Variants in GLRB observed in about 807,000 individuals in gnomAD.
GLRB encodes the protein glycine receptor beta, also known as glycine receptor subunit beta.
A neutral mutation model predicts 54.2 loss-of-function variants in GLRB; 33 were observed. That is an observed-to-expected ratio of 0.61 (90% confidence interval 0.46 to 0.81). The LOEUF (loss-of-function observed/expected upper bound fraction) is 0.81, where lower values mean the gene tolerates loss of function less well. GLRB is among the 40% of genes least tolerant of loss of function. The probability of loss-of-function intolerance (pLI) is 0.00; values close to 1 mark genes in which losing one functional copy is unlikely to be tolerated. For synonymous variants in GLRB, 209 were observed against 208.2 expected (o/e 1.00, Z -0.03); for missense variants, 572 against 584.6 (o/e 0.98, Z 0.22).
At chr4:157,122,845 A>G (rs776873330) in intron 4 of GLRB, among the ~76,000 whole-genome samples, 1 of 151,766 alleles carries the variant, frequency 6.6e-6, no homozygotes, top group African/African-American at 2.4e-5. Flanking sequence ...GGGAATTGTA[A>G]GAAGCAAATA....
rs116976428 is a variant in GLRB, at chr4:157,117,492, G to A, written c.123-3064G>A. Among the ~76,000 whole-genome samples the A allele has an allele frequency of 7.2e-5, 11 of 151,768 alleles. No homozygotes were observed. In the East Asian group the frequency reaches 2.1e-3, roughly 30 times the overall value. The stretch of plus-strand genomic sequence containing the variant: ...ATGAAAGAATGTGATGGACATAATG[G>A]TTGATTCTCCAATATTCATTCCGCA... On this transcript the variant is annotated intron_variant, in intron 2 of 9. Coordinates refer to ENST00000264428, the MANE Select transcript of GLRB (RefSeq NM_000824.5).
intron 4 of GLRB, among the ~76,000 whole-genome samples, chr4:157,122,876 A>T (rs1001417269): frequency 6.6e-6 from 1 of 151,732 alleles, no homozygotes; most frequent in African/African-American, 2.4e-5. Context: ...TTTTCATAAG[A>T]TAGGGCAATG....
chr4:157,108,814 C>A (rs1385378106), intron 2 of GLRB, among the ~76,000 whole-genome samples: 1 of 152,050 alleles, frequency 6.6e-6, no homozygotes, highest in Non-Finnish European at 1.5e-5. Flanking sequence ...GTTAAAGACA[C>A]ATCTGCCATA....
rs940606767 is a variant in GLRB at position 157,157,656 on chromosome 4, C to T, written c.1197+4646C>T. Among the ~76,000 whole-genome samples the T allele has an allele frequency of 2.6e-5, 4 of 152,192 alleles. No homozygotes were observed. In the South Asian group the frequency reaches 8.3e-4, roughly 31 times the overall value. ...GTTTCCAGCTTCATCCGTGTCCCTA[C>T]ATAGGACATGAACTCATCCTTTTTA... On this transcript the variant is annotated intron_variant, in intron 9 of 9. Coordinates refer to ENST00000264428, the MANE Select transcript of GLRB (RefSeq NM_000824.5).
At chr4:157,153,907 C>A (rs867852933) in intron 9 of GLRB, among the ~76,000 whole-genome samples, 1 of 152,168 alleles carries the variant, frequency 6.6e-6, no homozygotes. Context: ...ACCACTAGTC[C>A]CCTCACCTAG....
intron 2 of GLRB, among the ~76,000 whole-genome samples, chr4:157,119,519 G>C (rs931153266): frequency 2.6e-5 from 4 of 151,600 alleles, no homozygotes; most frequent in South Asian, 2.1e-4. Flanking sequence ...CAAGTAACCT[G>C]TCTGCTTAAT....
chr4:157,096,236 T>C (rs561786106), intron 2 of GLRB, among the ~76,000 whole-genome samples: 2 of 152,310 alleles, frequency 1.3e-5, no homozygotes, highest in South Asian at 4.1e-4. Flanking sequence ...AAGGAGAGGA[T>C]ATCATTTTTA....
At chr4:157,109,867 A>G (rs571114190) in intron 2 of GLRB, among the ~76,000 whole-genome samples, 17 of 152,202 alleles carry the variant, frequency 1.1e-4, no homozygotes, top group Admixed American at 1.1e-3. Context: ...TATGCACAGA[A>G]CGAGGCATGT....
Position 157,151,973 on chromosome 4 carries a change from C to G in GLRB, c.905-745C>G, listed in dbSNP as rs56929485. On this transcript the variant is annotated intron_variant, in intron 8 of 9. Transcript: ENST00000264428. ...ATAGCTATAAAATATATTTCATCAT[C>G]TTCTCTCTTGAAAATACGAAGGAAA... Among the ~76,000 whole-genome samples the G allele has an allele frequency of 4.8e-3, 727 of 152,230 alleles. 7 individuals are homozygous for G. Among genetic ancestry groups the G allele is most frequent in the African/African-American group, 0.016 (684 of 41,544 alleles).
intron 8 of GLRB, among the ~76,000 whole-genome samples, chr4:157,148,479 C>T (rs12647323): frequency 0.42 from 64,271 of 151,954 alleles, 16,076 homozygotes; most frequent in African/African-American, 0.7. Context: ...AGATCTTTCT[C>T]CTTTTCTAAC....
intron 9 of GLRB, among the ~76,000 whole-genome samples, chr4:157,159,999 C>A (rs912882389): frequency 6.6e-6 from 1 of 152,138 alleles, no homozygotes; most frequent in African/African-American, 2.4e-5. Context: ...TAATTATTGC[C>A]TCAATTTCAG....
intron 4 of GLRB, among the ~76,000 whole-genome samples, chr4:157,129,821 A>G (rs1484473355): frequency 6.6e-6 from 1 of 151,572 alleles, no homozygotes; most frequent in Non-Finnish European, 1.5e-5. Flanking sequence ...AGGAGATGCT[A>G]AAAAATGTGT....
At chr4:157,152,203 C>A (rs1392192749) in intron 8 of GLRB, among the ~76,000 whole-genome samples, 1 of 152,158 alleles carries the variant, frequency 6.6e-6, no homozygotes, top group Admixed American at 6.6e-5. Context: ...TCTCCCTAAA[C>A]AGGAATATTT....
chr4:157,115,831 T>G (rs1475948515), intron 2 of GLRB, among the ~76,000 whole-genome samples: 1 of 151,838 alleles, frequency 6.6e-6, no homozygotes, highest in Non-Finnish European at 1.5e-5. Context: ...GCTTTGTATT[T>G]GGTTAAGTTC....
At chr4:157,141,733 A>T (rs1226442642) in intron 7 of GLRB, among the ~76,000 whole-genome samples, 1 of 152,076 alleles carries the variant, frequency 6.6e-6, no homozygotes, top group East Asian at 1.9e-4. Flanking sequence ...AATGTTTCTC[A>T]TAAAATTTTA....
intron 9 of GLRB, among the ~76,000 whole-genome samples, chr4:157,166,939 G>A (rs1205021463): frequency 2.0e-5 from 3 of 151,814 alleles, no homozygotes; most frequent in Admixed American, 2.0e-4. Flanking sequence ...TTAGAAAATT[G>A]GAAATATTTA....
At chr4:157,147,032 C>T (rs141075230) in intron 8 of GLRB, among the ~76,000 whole-genome samples, 109 of 152,234 alleles carry the variant, frequency 7.2e-4, no homozygotes, top group African/African-American at 2.5e-3. Context: ...AGAAGATGGG[C>T]AGGCCAGGAG....
chr4:157,132,752 A>T (rs1736263476), intron 4 of GLRB, among the ~76,000 whole-genome samples: 1 of 151,932 alleles, frequency 6.6e-6, no homozygotes, highest in Non-Finnish European at 1.5e-5. Flanking sequence ...TGAATTAATG[A>T]ACAAACAAAG....
intron 2 of GLRB, among the ~76,000 whole-genome samples, chr4:157,102,385 G>A (rs1429979569): frequency 2.6e-5 from 4 of 151,932 alleles, no homozygotes; most frequent in East Asian, 1.9e-4. Flanking sequence ...TCTGCTCTCC[G>A]CTTCTATAGG....
Sources: allele counts gnomAD v4.1 joint callset (sites outside exome capture counted in the v4.1 genomes callset), GRCh38; gene constraint gnomAD v4.1.1; transcripts MANE v1.5; gene names NCBI Gene and HGNC (gene_info 2026-07-23, HGNC 2026-07-21).